Variants in HOATZ observed in about 807,000 individuals in gnomAD.
The protein encoded by HOATZ is HOATZ cilia and flagella associated protein, also known as cilia- and flagella-associated protein HOATZ.
A neutral mutation model predicts 24.9 loss-of-function variants in HOATZ; 26 were observed. That is an observed-to-expected ratio of 1.04 (90% CI 0.76 to 1.45). The LOEUF (loss-of-function observed/expected upper bound fraction) is 1.45, where lower values mean the gene tolerates loss of function less well. Ranked by LOEUF, HOATZ falls within the 40% of genes most tolerant of loss-of-function variation. The pLI is 0.00. For missense variants in HOATZ, 226 were observed against 201.5 expected (o/e 1.12, Z -0.74); for synonymous variants, 83 against 76.6 (o/e 1.08, Z -0.43).
chr11:111,536,129 GC>G (rs1867448182), intron 5 of HOATZ: 1 of 152,202 alleles, frequency 6.6e-6, no homozygotes. Flanking sequence ...CAAAGTGCCA[GC>G]ATACTGCTTA....
chr11:111,524,785 C>T, intron 3 of HOATZ: 1 of 382,316 alleles, frequency 2.6e-6, no homozygotes, highest in South Asian at 2.0e-5. Context: ...ATTCAAAAAT[C>T]AATTTACAAA....
rs1020522714 is a variant in HOATZ, at chr11:111,517,644, C to T, written c.339+1534C>T. ...GTTTACAATCCAGTGGAGGAGACAG[C>T]CAATTAAAGTCAATAATTATTATAT... On this transcript the variant is annotated intron_variant, in intron 3 of 5. Coordinates refer to ENST00000375618, the MANE Select transcript of HOATZ (RefSeq NM_001100388.2). Among the ~76,000 whole-genome samples the T allele has an allele frequency of 1.4e-4, 22 of 152,046 alleles. No homozygotes were observed. In the East Asian group the frequency reaches 4.1e-3, roughly 28 times the overall value.
intron 3 of HOATZ, among the ~76,000 whole-genome samples, chr11:111,517,370 G>T (rs978858234): frequency 2.0e-4 from 31 of 152,106 alleles, no homozygotes; most frequent in African/African-American, 7.2e-4. Context: ...AGAAATAAAA[G>T]GTTAAAGACA....
In HOATZ at chr11:111,537,031, A is replaced by G. The variant is rs149231713; in HGVS notation, c.*204A>G. The G allele has an allele frequency of 1.8e-3, 968 of 523,720 alleles. 8 individuals carry two copies. The highest frequency in any genetic ancestry group is 0.016 in the African/African-American group (850 of 52,864). 32.4% of individuals were successfully genotyped at this position (523,720 alleles called of 1,614,324 possible). On this transcript the variant is annotated 3_prime_UTR_variant, in exon 6 of 6. Coordinates refer to ENST00000375618, the MANE Select transcript of HOATZ (RefSeq NM_001100388.2). Reference sequence around the variant, plus strand: ...ATAAAGGTTAAATATGCAGGCTTCTATGAATTCTACCAGCTATTGAATATT... The same window carrying G: ...ATAAAGGTTAAATATGCAGGCTTCTGTGAATTCTACCAGCTATTGAATATT...
intron 3 of HOATZ, among the ~76,000 whole-genome samples, chr11:111,523,445 A>G (rs1180527010): frequency 6.6e-6 from 1 of 152,166 alleles, no homozygotes; most frequent in Non-Finnish European, 1.5e-5. Flanking sequence ...GTATTGTTCT[A>G]TTGATGAAGC....
chr11:111,514,958 A>T lies in HOATZ; in HGVS notation c.174A>T (p.Arg58Ser). The T allele has an allele frequency of 6.2e-7, 1 of 1,613,938 alleles. No homozygotes were observed. The highest frequency in any genetic ancestry group is 8.5e-7 in the Non-Finnish European group (1 of 1,180,032). The change falls in exon 1 of 6, where the codon AGA (arginine) becomes AGT (serine). Residue 58 changes from arginine to serine, a missense_variant. Coordinates refer to ENST00000375618, the MANE Select transcript of HOATZ (RefSeq NM_001100388.2). The part of the protein sequence containing the change: ...PPSESQLVLR[R>S]DSSQRLPVAR... ...GCGAATCTCAGCTGGTGCTGCGCAG[A>T]GACAGCAGTCAGCGTCTGCCGGTGG... is the stretch of plus-strand genomic sequence containing the variant.
intron 1 of HOATZ, 36 bp from the exon 2 acceptor site, chr11:111,515,475 C>A (rs780566009): frequency 6.3e-7 from 1 of 1,584,098 alleles, no homozygotes; most frequent in South Asian, 1.1e-5. Flanking sequence ...GTTGACTTTT[C>A]CAATGATTTC....
Position 111,515,000 on chromosome 11 carries a change from C to A in HOATZ, c.216C>A (p.Ser72Arg), listed in dbSNP as rs1468399083. The change falls in exon 1 of 6, where the codon AGC becomes AGA. Residue 72 changes from serine to arginine, a missense_variant. Transcript: ENST00000375618. ...TGCCGGTGGCGCGGCCCAGGAGGAGCAGAGGGTCTGGTGAGTAGAATAGCG... is the reference window on the plus strand; with the variant it reads ...TGCCGGTGGCGCGGCCCAGGAGGAGAAGAGGGTCTGGTGAGTAGAATAGCG... Reference protein sequence around the residue: ...QRLPVARPRRSRGSENSHSSQ... With the variant: ...QRLPVARPRRRRGSENSHSSQ... The A allele has an allele frequency of 6.2e-7, 1 of 1,612,392 alleles. No homozygotes were observed. Among genetic ancestry groups the A allele is most frequent in the East Asian group, 2.2e-5 (1 of 44,878 alleles).
chr11:111,515,611 A>ACAAT (rs1203407294), intron 2 of HOATZ, 59 bp downstream of exon 2: 22 of 1,359,840 alleles, frequency 1.6e-5, no homozygotes, highest in Middle Eastern at 1.8e-4. Flanking sequence ...CAGAAAATAG[A>ACAAT]CAATAAGTAC....
intron 4 of HOATZ, 64 bp from the exon 5 acceptor site, chr11:111,534,348 T>C: frequency 8.5e-7 from 1 of 1,181,550 alleles, no homozygotes; most frequent in Non-Finnish European, 1.2e-6. Flanking sequence ...TTCAAATGAG[T>C]AAATTCCAAT....
rs577409900 is a variant in HOATZ, at chr11:111,528,782, T to C, written c.340-4964T>C. ...TGCTAACTCATTTTTAGAGTAAAGA[T>C]TGAATGAAGAAACCATTCTGTCACT... On this transcript the variant is annotated intron_variant, in intron 3 of 5. Coordinates refer to ENST00000375618, the MANE Select transcript of HOATZ (RefSeq NM_001100388.2). Among the ~76,000 whole-genome samples, 10 of 152,332 alleles carry C rather than the reference T, an allele frequency of 6.6e-5. No individual in the cohort carries two copies. The East Asian group carries it at 1.7e-3, about 26-fold the overall frequency.
intron 3 of HOATZ, among the ~76,000 whole-genome samples, chr11:111,527,494 T>G (rs1427594469): frequency 6.6e-6 from 1 of 152,208 alleles, no homozygotes; most frequent in Non-Finnish European, 1.5e-5. Context: ...GCATTCTTCC[T>G]TTCTCTGATT....
At chr11:111,527,155 T>A (rs894377162) in intron 3 of HOATZ, among the ~76,000 whole-genome samples, 1 of 152,196 alleles carries the variant, frequency 6.6e-6, no homozygotes, top group Non-Finnish European at 1.5e-5. Context: ...CTGCATGCAT[T>A]TTGTGTGTGC....
intron 3 of HOATZ, among the ~76,000 whole-genome samples, chr11:111,521,464 A>G (rs1468471434): frequency 1.3e-5 from 2 of 152,312 alleles, no homozygotes; most frequent in South Asian, 2.1e-4. Context: ...TTTTGTGTCA[A>G]AATGATAGGG....
intron 1 of HOATZ, 69 bp downstream of exon 1, chr11:111,515,079 C>A: frequency 9.1e-7 from 1 of 1,102,388 alleles, no homozygotes; most frequent in Non-Finnish European, 1.4e-6. Flanking sequence ...GTACCAGAGC[C>A]CTTTCCAGGA....
At chr11:111,535,210 T>C (rs1867437999) in intron 5 of HOATZ, 1 of 152,210 alleles carries the variant, frequency 6.6e-6, no homozygotes, top group Non-Finnish European at 1.5e-5. Context: ...GAAGAAAGAA[T>C]ATGTCTACTC....
chr11:111,514,814 C>T lies in HOATZ; in HGVS notation c.30C>T (p.Ser10=), dbSNP rs770205366. METGPSEEP[S]GRKESQEMCP... is the part of the protein sequence containing the mutation. Reference sequence around the variant, plus strand: ...AAACGGGACCCAGCGAAGAACCTAGCGGCCGAAAAGAGTCCCAGGAAATGT... The same window carrying T: ...AAACGGGACCCAGCGAAGAACCTAGTGGCCGAAAAGAGTCCCAGGAAATGT... Residue 10 remains serine, a synonymous_variant, in exon 1 of 6, where the codon AGC becomes AGT. Coordinates refer to ENST00000375618, the MANE Select transcript of HOATZ (RefSeq NM_001100388.2). 8 of 1,613,890 alleles carry T rather than the reference C, an allele frequency of 5.0e-6. No individual in the cohort carries two copies. Among genetic ancestry groups the T allele is most frequent in the East Asian group, 2.2e-5 (1 of 44,882 alleles).
At chr11:111,534,629 A>C in intron 5 of HOATZ, 165 bp downstream of exon 5, 1 of 636,796 alleles carries the variant, frequency 1.6e-6, no homozygotes. Flanking sequence ...ACAGCTATTA[A>C]AGCCTGTGTA....
intron 3 of HOATZ, among the ~76,000 whole-genome samples, chr11:111,517,264 G>A (rs532189919): frequency 6.6e-6 from 1 of 152,122 alleles, no homozygotes; most frequent in South Asian, 2.1e-4. Context: ...TTAGGGAGGG[G>A]GAAAGCCTAA....
Sources: allele counts gnomAD v4.1 joint callset (sites outside exome capture counted in the v4.1 genomes callset), GRCh38; gene constraint gnomAD v4.1.1; transcripts MANE v1.5; gene names NCBI Gene and HGNC (gene_info 2026-07-23, HGNC 2026-07-21).